The following PPA1 variants were observed in gnomAD, a reference collection of about 807,000 sequenced individuals.
PPA1 encodes the protein inorganic pyrophosphatase.
PPA1 carries 23 observed loss-of-function variants against 41.8 expected under a neutral mutation model. The ratio of observed to expected loss-of-function variants is 0.55; its 90% CI spans 0.40 to 0.78. The LOEUF is 0.78. PPA1 is among the 30% of genes least tolerant of loss of function. The pLI is 0.00. For missense variants in PPA1, 320 were observed against 361.6 expected, an observed-to-expected ratio of 0.89 and a Z score of 0.93; for synonymous variants, 101 against 116.8, an observed-to-expected ratio of 0.86 and a Z score of 0.87.
chr10:70,224,612 T>C (rs1357136300), intron 2 of PPA1, among the ~76,000 whole-genome samples: 1 of 152,258 alleles, frequency 6.6e-6, no homozygotes, highest in Non-Finnish European at 1.5e-5. Flanking sequence ...TAGGCTGTTA[T>C]TACTAATGCA....
chr10:70,207,665 T>C (rs1271597797), intron 8 of PPA1, among the ~76,000 whole-genome samples: 1 of 151,792 alleles, frequency 6.6e-6, no homozygotes, highest in East Asian at 1.9e-4. Flanking sequence ...AAAAAAAAAA[T>C]TATATCTTTT....
chr10:70,222,335 CAAAAAAAAAAA>C (rs67974203), intron 2 of PPA1, among the ~76,000 whole-genome samples: 1 of 73,166 alleles, frequency 1.4e-5, no homozygotes, highest in African/African-American at 6.0e-5. Flanking sequence ...GACTCCGTCT[CAAAAAAAAAAA>C]AAAAAAAAAA....
At chr10:70,222,348 A>G (rs1299088044) in intron 2 of PPA1, among the ~76,000 whole-genome samples, 1 of 151,514 alleles carries the variant, frequency 6.6e-6, no homozygotes, top group Non-Finnish European at 1.5e-5. Flanking sequence ...AAAAAAAAAA[A>G]AAAAAAAAAA....
At chr10:70,221,076 A>ATATTTTTTT (rs1224550178) in intron 2 of PPA1, among the ~76,000 whole-genome samples, 3 of 40,050 alleles carry the variant, frequency 7.5e-5, no homozygotes, top group Non-Finnish European at 3.6e-5. Flanking sequence ...ATATATATAT[A>ATATTTTTTT]TTTTTTTTTT....
At chr10:70,220,705 A>T (rs186239699) in intron 2 of PPA1, among the ~76,000 whole-genome samples, 8 of 4,074 alleles carry the variant, frequency 2.0e-3, no homozygotes, top group African/African-American at 2.7e-3. Flanking sequence ...ATATATATAT[A>T]ATATATATAA....
intron 2 of PPA1, among the ~76,000 whole-genome samples, chr10:70,223,769 T>C (rs970055766): frequency 6.6e-6 from 1 of 152,200 alleles, no homozygotes; most frequent in East Asian, 1.9e-4. Context: ...AAAATACTGA[T>C]TTTAAGAAAT....
chr10:70,225,660 T>C (rs1840222274), intron 2 of PPA1, among the ~76,000 whole-genome samples: 1 of 152,118 alleles, frequency 6.6e-6, no homozygotes, highest in South Asian at 2.1e-4. Flanking sequence ...TTTTTTTTTT[T>C]TTTTGGAACT....
chr10:70,231,035 T>G (rs1183935013), intron 1 of PPA1, among the ~76,000 whole-genome samples: 1 of 152,156 alleles, frequency 6.6e-6, no homozygotes, highest in Non-Finnish European at 1.5e-5. Context: ...GGGGACCACT[T>G]TACTAAACAA....
At chr10:70,224,396 CA>C (rs1285379786) in intron 2 of PPA1, among the ~76,000 whole-genome samples, 1 of 152,028 alleles carries the variant, frequency 6.6e-6, no homozygotes, top group East Asian at 1.9e-4. Flanking sequence ...CTCCATTAAT[CA>C]AAAATATTTA....
At chr10:70,207,166 C>T (rs1039271684) in intron 8 of PPA1, among the ~76,000 whole-genome samples, 1 of 151,970 alleles carries the variant, frequency 6.6e-6, no homozygotes, top group Non-Finnish European at 1.5e-5. Context: ...CCTCTAAGAA[C>T]CCAATCCAAT....
chr10:70,228,421 A>G (rs1840256076), intron 2 of PPA1, among the ~76,000 whole-genome samples: 1 of 152,214 alleles, frequency 6.6e-6, no homozygotes, highest in African/African-American at 2.4e-5. Context: ...TACCTGTAGC[A>G]TACCTGTATG....
intron 10 of PPA1, chr10:70,203,999 A>T (rs748644869): frequency 5.9e-5 from 9 of 152,396 alleles, no homozygotes; most frequent in Non-Finnish European, 1.3e-4. Context: ...AATTCTAAAA[A>T]TGCTTCTCTT....
chr10:70,225,807 C>T (rs2136769636), intron 2 of PPA1, among the ~76,000 whole-genome samples: 1 of 152,278 alleles, frequency 6.6e-6, no homozygotes, highest in Non-Finnish European at 1.5e-5. Context: ...ATCTTATTCA[C>T]TGCTCACCAA....
rs540110816 is a variant in PPA1, at chr10:70,215,337, A to G, written c.298-751T>C. On this transcript the variant is annotated intron_variant, in intron 4 of 10. Coordinates refer to ENST00000373232, the MANE Select transcript of PPA1 (RefSeq NM_021129.4). ...ACTCCTGGGCTCAAGTGATCCTCCC[A>G]CCTTGGCCTCCCAAAGTATGGGATT... Among the ~76,000 whole-genome samples, 18 of 152,260 alleles carry G rather than the reference A, an allele frequency of 1.2e-4. No individual in the cohort carries two copies. In the South Asian group the frequency reaches 2.5e-3, roughly 21 times the overall value.
chr10:70,232,011 A>G (rs1047135471), intron 1 of PPA1, among the ~76,000 whole-genome samples: 2 of 152,232 alleles, frequency 1.3e-5, no homozygotes, highest in African/African-American at 4.8e-5. Context: ...AAACAGTCCC[A>G]TGAATTATTA....
Position 70,202,894 on chromosome 10 carries a change from C to T in PPA1, c.*261G>A. ...TAACATATACATCCAATATGTGCTC[C>T]CCTTGCACATCTATTCACAAGTGAC... On this transcript the variant is annotated 3_prime_UTR_variant, in exon 11 of 11. Transcript: ENST00000373232. The T allele has an allele frequency of 2.1e-6, 1 of 473,682 alleles. No homozygotes were observed. Among genetic ancestry groups the T allele is most frequent in the Non-Finnish European group, 3.7e-6 (1 of 268,688 alleles). 29.3% of individuals were successfully genotyped at this position (473,682 alleles called of 1,614,324 possible). A position where few individuals can be genotyped will look rare whatever the true frequency, so the allele number is the denominator to read the frequency against.
intron 1 of PPA1, among the ~76,000 whole-genome samples, 198 bp downstream of exon 1, chr10:70,233,066 C>A (rs1840306045): frequency 6.6e-6 from 1 of 152,166 alleles, no homozygotes; most frequent in African/African-American, 2.4e-5. Context: ...GGAGGGATGG[C>A]CGGAGGCGAC....
chr10:70,223,458 G>A (rs1840197651), intron 2 of PPA1, among the ~76,000 whole-genome samples: 1 of 152,090 alleles, frequency 6.6e-6, no homozygotes, highest in African/African-American at 2.4e-5. Flanking sequence ...AGCCTCAAGT[G>A]ATCCTCCTGC....
At position 70,233,394 on chromosome 10, in the gene PPA1, G is replaced by A. The variant is rs187499929; in HGVS notation, c.-67C>T. The stretch of plus-strand genomic sequence containing the variant: ...GCCCGCACGCGGCGCCGACTGACAA[G>A]GAGAGAGCCCCACGCCTGCGCACTG... On this transcript the variant is annotated 5_prime_UTR_variant, in exon 1 of 11. Transcript: ENST00000373232. The A allele has an allele frequency of 9.1e-5, 138 of 1,518,662 alleles. No individual in the cohort carries two copies. The highest frequency in any genetic ancestry group is 3.7e-4 in the Middle Eastern group (2 of 5,342). 94.1% of individuals were successfully genotyped at this position (1,518,662 alleles called of 1,614,324 possible). A position where few individuals can be genotyped will look rare whatever the true frequency, so the allele number is the denominator to read the frequency against.
Sources: allele counts gnomAD v4.1 joint callset (sites outside exome capture counted in the v4.1 genomes callset), GRCh38; gene constraint gnomAD v4.1.1; transcripts MANE v1.5; gene names NCBI Gene and HGNC (gene_info 2026-07-23, HGNC 2026-07-21).